The following CYRIA variants were observed in gnomAD, a reference collection of about 807,000 sequenced individuals.
CYRIA encodes the protein CYFIP-related Rac1 interactor A.
CYRIA carries 15 observed loss-of-function variants against 43.9 expected under a neutral mutation model. That is an observed-to-expected ratio of 0.34 (90% CI 0.23 to 0.53). The LOEUF (loss-of-function observed/expected upper bound fraction) is 0.53, where lower values mean the gene tolerates loss of function less well. CYRIA is among the 20% of genes least tolerant of loss of function. The probability of loss-of-function intolerance (pLI) is 0.94; values close to 1 mark genes in which losing one functional copy is unlikely to be tolerated. For synonymous variants in CYRIA, 117 were observed against 136.0 expected, an observed-to-expected ratio of 0.86 and a Z score of 0.97; for missense variants, 236 against 394.2, an observed-to-expected ratio of 0.60 and a Z score of 3.40.
At chr2:16,651,064 G>A (rs1222781783) in intron 1 of CYRIA, among the ~76,000 whole-genome samples, 1 of 152,130 alleles carries the variant, frequency 6.6e-6, no homozygotes, top group Non-Finnish European at 1.5e-5. Flanking sequence ...TGTATGGAAG[G>A]CGTTCTGCAG....
intron 3 of CYRIA, among the ~76,000 whole-genome samples, chr2:16,577,601 G>T (rs929935761): frequency 6.6e-6 from 1 of 152,142 alleles, no homozygotes; most frequent in Admixed American, 6.5e-5. Context: ...GGAGAAAGCT[G>T]CCATAAATGC....
intron 1 of CYRIA, among the ~76,000 whole-genome samples, chr2:16,636,941 A>T (rs1258768730): frequency 6.6e-6 from 1 of 152,056 alleles, no homozygotes. Flanking sequence ...ATGCCTCTGT[A>T]CTCCAGCCTG....
intron 1 of CYRIA, among the ~76,000 whole-genome samples, chr2:16,625,185 A>G (rs944237054): frequency 3.3e-5 from 5 of 152,112 alleles, no homozygotes; most frequent in Non-Finnish European, 5.9e-5. Context: ...TGGGGGAAGT[A>G]GGGGTCTAAA....
At chr2:16,599,741 C>T (rs1045251013) in intron 2 of CYRIA, among the ~76,000 whole-genome samples, 7 of 152,038 alleles carry the variant, frequency 4.6e-5, no homozygotes, top group Admixed American at 4.6e-4. Context: ...CCTATTCGGC[C>T]ATCTTGGCTC....
rs534398012 is a variant in CYRIA at position 16,662,096 on chromosome 2, C to T, written c.-167+3684G>A. ...TTTGAAAAAAAGAGTGTTGGTGATTCGTGCATTGTTGTGGTATTGTAGAAC... is the reference window on the plus strand; with the variant it reads ...TTTGAAAAAAAGAGTGTTGGTGATTTGTGCATTGTTGTGGTATTGTAGAAC... On this transcript the variant is annotated intron_variant, in intron 1 of 11. Coordinates refer to ENST00000381323, the MANE Select transcript of CYRIA (RefSeq NM_030797.4). Among the ~76,000 whole-genome samples the T allele has an allele frequency of 1.2e-3, 185 of 152,050 alleles. 1 individual carries two copies. Among genetic ancestry groups the T allele is most frequent in the South Asian group, 4.6e-3 (22 of 4,816 alleles).
intron 10 of CYRIA, among the ~76,000 whole-genome samples, chr2:16,556,915 G>A (rs1205314010): frequency 2.0e-5 from 3 of 152,042 alleles, no homozygotes; most frequent in South Asian, 2.1e-4. Context: ...GTTGGAGGAC[G>A]ATGAAATACC....
rs1440911140 is a variant in CYRIA at position 16,650,977 on chromosome 2, G to A, written c.-167+14803C>T. Among the ~76,000 whole-genome samples the A allele has an allele frequency of 6.6e-6, 1 of 151,960 alleles. No homozygotes were observed. The highest frequency in any genetic ancestry group is 1.5e-5 in the Non-Finnish European group (1 of 67,986). On this transcript the variant is annotated intron_variant, in intron 1 of 11. Transcript: ENST00000381323. The surrounding 1 kb of genome is among the most constrained non-coding windows in gnomAD (Gnocchi z 4.1). Reference sequence around the variant, plus strand: ...TTAAAAAAACATTCCATTCAACGGGGGCGAGTGAGTCACCATAATCATTTA... The same window carrying A: ...TTAAAAAAACATTCCATTCAACGGGAGCGAGTGAGTCACCATAATCATTTA...
At chr2:16,642,679 C>T (rs1669709560) in intron 1 of CYRIA, among the ~76,000 whole-genome samples, 1 of 152,188 alleles carries the variant, frequency 6.6e-6, no homozygotes, top group Admixed American at 6.5e-5. Context: ...AGCTACTCTT[C>T]TTCCTTTGTT....
At chr2:16,612,535 A>G (rs983020491) in intron 2 of CYRIA, among the ~76,000 whole-genome samples, 3 of 152,234 alleles carry the variant, frequency 2.0e-5, no homozygotes, top group Admixed American at 2.0e-4. Flanking sequence ...TATGTCCTCA[A>G]TGATGCACAA....
chr2:16,581,662 GAA>G (rs997186297), intron 3 of CYRIA, among the ~76,000 whole-genome samples: 1 of 151,890 alleles, frequency 6.6e-6, no homozygotes, highest in African/African-American at 2.4e-5. Flanking sequence ...TTGGTTTCTT[GAA>G]AAGTTACATA....
chr2:16,616,005 G>A (rs941470854), intron 2 of CYRIA, among the ~76,000 whole-genome samples: 3 of 152,190 alleles, frequency 2.0e-5, no homozygotes, highest in African/African-American at 4.8e-5. Context: ...GTGAGATCCT[G>A]CCCCAGAAGG....
intron 2 of CYRIA, among the ~76,000 whole-genome samples, chr2:16,610,566 G>A (rs1668555392): frequency 6.6e-6 from 1 of 152,098 alleles, no homozygotes. Flanking sequence ...GCTGGAACAG[G>A]GAGAAGTGTC....
At chr2:16,656,630 A>G (rs560177898) in intron 1 of CYRIA, among the ~76,000 whole-genome samples, 15 of 152,364 alleles carry the variant, frequency 9.8e-5, no homozygotes, top group Non-Finnish European at 2.1e-4. Flanking sequence ...GGAGCTGCTG[A>G]TTTTTAAACA....
At chr2:16,606,962 CA>C (rs138958410) in intron 2 of CYRIA, among the ~76,000 whole-genome samples, 3 of 149,984 alleles carry the variant, frequency 2.0e-5, no homozygotes, top group Non-Finnish European at 3.0e-5. Context: ...GGTACCGAAA[CA>C]AAAAAAAATC....
chr2:16,625,076 A>C (rs1372421096), intron 1 of CYRIA, among the ~76,000 whole-genome samples: 4 of 152,126 alleles, frequency 2.6e-5, no homozygotes, highest in Non-Finnish European at 5.9e-5. Flanking sequence ...GCTCAAATGC[A>C]TGAGACAGTT....
chr2:16,565,672 T>C lies in CYRIA; in HGVS notation c.166A>G (p.Lys56Glu). 1.3e-6 allele frequency: 2 copies of C among 1,585,576 alleles called. No homozygotes were observed. Among genetic ancestry groups the C allele is most frequent in the Non-Finnish European group, 1.7e-6 (2 of 1,158,266 alleles). Residue 56 changes from lysine (K) to glutamate (E), a missense_variant, in exon 4 of 12, where the codon AAA becomes GAA. Transcript: ENST00000381323. ...ESILADLQAY[K>E]GAGPEIRDAI... Reference sequence around the variant, plus strand: ...TCTCGGATCTCTGGGCCTGCGCCTTTGTAAGCCTGCAGGTCTGCAAGGATG... The same window carrying C: ...TCTCGGATCTCTGGGCCTGCGCCTTCGTAAGCCTGCAGGTCTGCAAGGATG...
In CYRIA at chr2:16,555,105, G is replaced by T; in HGVS notation, c.872C>A (p.Ala291Asp). 2 of 1,613,158 alleles carry T rather than the reference G, an allele frequency of 1.2e-6. No individual in the cohort carries two copies. The highest frequency in any genetic ancestry group is 8.5e-7 in the Non-Finnish European group (1 of 1,179,618). ...KGCIKVLKEQ[A>D]PDSVEGLLNA... The stretch of plus-strand genomic sequence containing the variant: ...TAGCAGCCCCTCCACACTGTCTGGG[G>T]CCTGCTCCTTCAAAACTTTTATGCA... Residue 291 changes from alanine (A) to aspartate (D), a missense_variant, in exon 11 of 12, where the codon GCC becomes GAC. By Grantham distance (126) the Ala-to-Asp change is moderately radical. This residue lies in a region of CYRIA where 40 missense variants were observed against 62.2 expected (regional missense o/e 0.64). Transcript: ENST00000381323.
At chr2:16,628,357 C>T (rs1004043839) in intron 1 of CYRIA, among the ~76,000 whole-genome samples, 1 of 152,284 alleles carries the variant, frequency 6.6e-6, no homozygotes, top group South Asian at 2.1e-4. Context: ...TCTGAACCAC[C>T]ATTTATCGGA....
chr2:16,614,026 G>A (rs1668694518), intron 2 of CYRIA, among the ~76,000 whole-genome samples: 1 of 152,154 alleles, frequency 6.6e-6, no homozygotes, highest in East Asian at 1.9e-4. Context: ...TCTGTGTTGT[G>A]GCTGAATCAA....
Sources: allele counts gnomAD v4.1 joint callset (sites outside exome capture counted in the v4.1 genomes callset), GRCh38; gene constraint gnomAD v4.1.1; regional missense constraint gnomAD v4.1.1; non-coding constraint Gnocchi (gnomAD v3.1); transcripts MANE v1.5; gene names NCBI Gene and HGNC (gene_info 2026-07-23, HGNC 2026-07-21).